Variants in KRTAP5-2 observed in about 807,000 individuals in gnomAD.
The protein encoded by KRTAP5-2 is keratin associated protein 5-2.
For missense variants in KRTAP5-2, 188 were observed against 212.8 expected, an observed-to-expected ratio of 0.88 and a Z score of 0.73; for synonymous variants, 79 against 82.7, an observed-to-expected ratio of 0.96 and a Z score of 0.24.
rs777059919 is a variant in KRTAP5-2 at position 1,598,281 on chromosome 11, G to C, written c.-31C>G. The C allele has an allele frequency of 1.2e-5, 20 of 1,613,860 alleles. No homozygotes were observed. The African/African-American group carries it at 1.7e-4, about 14-fold the overall frequency. Reference sequence around the variant, plus strand: ...TGGTGGATTGAGGGTGGAGCAGGTAGAGGAGCAGGTGAGAGGGAGGTGCAG... The same window carrying C: ...TGGTGGATTGAGGGTGGAGCAGGTACAGGAGCAGGTGAGAGGGAGGTGCAG... On this transcript the variant is annotated 5_prime_UTR_variant, in exon 1 of 1. Transcript: ENST00000412090.
In KRTAP5-2 at chr11:1,598,204, C is replaced by T. The variant is rs752808306; in HGVS notation, c.47G>A (p.Gly16Asp). Residue 16 changes from glycine to aspartate, a missense_variant, in exon 1 of 1, where the codon GGC becomes GAC. Physicochemically the swap from Gly to Asp is moderately conservative, Grantham distance 94. Coordinates refer to ENST00000412090, the MANE Select transcript of KRTAP5-2 (RefSeq NM_001004325.2). Reference protein sequence around the residue: ...CSRGCGSGCGGCGSSCGGCGS... With the variant: ...CSRGCGSGCGDCGSSCGGCGS... ...ACAACCCCCACAGCTGGAGCCACAGCCCCCACAGCCGGAGCCACAGCCTCT... is the reference window on the plus strand; with the variant it reads ...ACAACCCCCACAGCTGGAGCCACAGTCCCCACAGCCGGAGCCACAGCCTCT... 7.5e-6 allele frequency: 12 copies of T among 1,610,284 alleles called. No homozygotes were observed. The highest frequency in any genetic ancestry group is 1.0e-5 in the Non-Finnish European group (12 of 1,178,364).
In KRTAP5-2 at chr11:1,598,125, A is replaced by G. The variant is rs780065623; in HGVS notation, c.126T>C (p.Cys42=). 9 of 1,494,432 alleles carry G rather than the reference A, an allele frequency of 6.0e-6. No individual in the cohort carries two copies. Among genetic ancestry groups the G allele is most frequent in the Admixed American group, 1.9e-5 (1 of 51,624 alleles). The allele number at this position is 1,494,432 out of a possible 1,614,324, so 92.6% of individuals were successfully genotyped here. A position where few individuals can be genotyped will look rare whatever the true frequency, so the allele number is the denominator to read the frequency against. ...CCCCACAGCTGGAGCTGCAGCCCCC[A>G]CAGCCAGAGCCACAGCCCCCACGGC... The part of the protein sequence containing the change: ...GSGRGGCGSG[C]GGCSSSCGGC... Residue 42 remains cysteine (C), a synonymous_variant, in exon 1 of 1, where the codon TGT becomes TGC. Coordinates refer to ENST00000412090, the MANE Select transcript of KRTAP5-2 (RefSeq NM_001004325.2).
In KRTAP5-2 at chr11:1,597,620, G is replaced by A; in HGVS notation, c.*97C>T. ...TGGATGGTGAGCTAGAGCAGGTGCA[G>A]GTGCCTCAGGGAGGATGTGTGGGAC... is the stretch of plus-strand genomic sequence containing the variant. On this transcript the variant is annotated 3_prime_UTR_variant, in exon 1 of 1. Transcript: ENST00000412090. 1 of 1,566,484 alleles carries A rather than the reference G, an allele frequency of 6.4e-7. No individual in the cohort carries two copies. Among genetic ancestry groups the A allele is most frequent in the Non-Finnish European group, 8.7e-7 (1 of 1,149,368 alleles).
Position 1,597,673 on chromosome 11 carries a change from G to A in KRTAP5-2, c.*44C>T, listed in dbSNP as rs565622148. 9.3e-6 allele frequency: 15 copies of A among 1,611,444 alleles called. No homozygotes were observed. The highest frequency in any genetic ancestry group is 8.0e-5 in the African/African-American group (6 of 74,984). Reference sequence around the variant, plus strand: ...ACTGACTCAGGGAACCATAAGAAATGCTTTCACCAAACAGGAGAAACCTGA... The same window carrying A: ...ACTGACTCAGGGAACCATAAGAAATACTTTCACCAAACAGGAGAAACCTGA... On this transcript the variant is annotated 3_prime_UTR_variant, in exon 1 of 1. Coordinates refer to ENST00000412090, the MANE Select transcript of KRTAP5-2 (RefSeq NM_001004325.2).
chr11:1,597,559 C>A lies in KRTAP5-2; in HGVS notation c.*158G>T. On this transcript the variant is annotated 3_prime_UTR_variant, in exon 1 of 1. Transcript: ENST00000412090. ...GAGTGAGGAGGCTGAAGGCAGGGCC[C>A]AGAGGAGAGCTGAGCCATGGAAGGA... 8.2e-7 allele frequency: 1 copy of A among 1,223,072 alleles called. No individual in the cohort carries two copies. Among genetic ancestry groups the A allele is most frequent in the Non-Finnish European group, 1.2e-6 (1 of 865,454 alleles). 75.8% of individuals were successfully genotyped at this position (1,223,072 alleles called of 1,614,324 possible).
Position 1,598,163 on chromosome 11 carries a change from C to T in KRTAP5-2, c.88G>A (p.Gly30Ser), listed in dbSNP as rs1849319437. 1 of 1,582,202 alleles carries T rather than the reference C, an allele frequency of 6.3e-7. No individual in the cohort carries two copies. The highest frequency in any genetic ancestry group is 8.6e-7 in the Non-Finnish European group (1 of 1,156,738). ...SCGGCGSGCGGCGSGRGGCGS... is the reference protein window; with the variant it reads ...SCGGCGSGCGSCGSGRGGCGS... ...CAGCCCCCACGGCCGGAGCCACAGC[C>T]CCCACAGCCAGAGCCACAACCCCCA... Residue 30 changes from glycine (G) to serine (S), a missense_variant, in exon 1 of 1, where the codon GGC becomes AGC. Physicochemically the swap from Gly to Ser is moderately conservative, Grantham distance 56. Transcript: ENST00000412090.
Position 1,598,145 on chromosome 11 carries a change from C to T in KRTAP5-2, c.106G>A (p.Gly36Arg). ...SGCGGCGSGR[G>R]GCGSGCGGCS... ...CCCCCACAGCCAGAGCCACAGCCCC[C>T]ACGGCCGGAGCCACAGCCCCCACAG... is the stretch of plus-strand genomic sequence containing the variant. The change falls in exon 1 of 1, where the codon GGG becomes AGG. Residue 36 changes from glycine (G) to arginine (R), a missense_variant. By Grantham distance (125) the Gly-to-Arg change is moderately radical. Transcript: ENST00000412090. 6.3e-7 allele frequency: 1 copy of T among 1,585,672 alleles called. No homozygotes were observed. The highest frequency in any genetic ancestry group is 8.6e-7 in the Non-Finnish European group (1 of 1,160,606).
Position 1,598,267 on chromosome 11 carries a change from G to A in KRTAP5-2, c.-17C>T, listed in dbSNP as rs1435036700. ...GCAGCCCATGGTTCTGGTGGATTGA[G>A]GGTGGAGCAGGTAGAGGAGCAGGTG... On this transcript the variant is annotated 5_prime_UTR_variant, in exon 1 of 1. Coordinates refer to ENST00000412090, the MANE Select transcript of KRTAP5-2 (RefSeq NM_001004325.2). 2.5e-6 allele frequency: 4 copies of A among 1,613,844 alleles called. No individual in the cohort carries two copies. Among genetic ancestry groups the A allele is most frequent in the Non-Finnish European group, 3.4e-6 (4 of 1,179,982 alleles).
rs1463441857 is a variant in KRTAP5-2, at chr11:1,597,638, T to C, written c.*79A>G. 1 of 1,592,472 alleles carries C rather than the reference T, an allele frequency of 6.3e-7. No homozygotes were observed. Among genetic ancestry groups the C allele is most frequent in the Non-Finnish European group, 8.6e-7 (1 of 1,167,364 alleles). On this transcript the variant is annotated 3_prime_UTR_variant, in exon 1 of 1. Transcript: ENST00000412090. ...AGGTGCAGGTGCCTCAGGGAGGATG[T>C]GTGGGACGAACTGACTCAGGGAACC... is the stretch of plus-strand genomic sequence containing the variant.
Position 1,597,468 on chromosome 11 carries a change from G to A in KRTAP5-2, c.*249C>T, listed in dbSNP as rs1849300765. On this transcript the variant is annotated 3_prime_UTR_variant, in exon 1 of 1. Coordinates refer to ENST00000412090, the MANE Select transcript of KRTAP5-2 (RefSeq NM_001004325.2). ...CACACCCAAGTGCAGGGAACATCGT[G>A]GCAGTCGGCTGGGTGCCTGCGTCCA... 3 of 624,514 alleles carry A rather than the reference G, an allele frequency of 4.8e-6. No homozygotes were observed. Among genetic ancestry groups the A allele is most frequent in the Non-Finnish European group, 8.5e-6 (3 of 353,518 alleles). The allele number at this position is 624,514 out of a possible 1,614,324, so 38.7% of individuals were successfully genotyped here. A position where few individuals can be genotyped will look rare whatever the true frequency, so the allele number is the denominator to read the frequency against.
In KRTAP5-2 at chr11:1,597,592, G is replaced by T; in HGVS notation, c.*125C>A. ...AGCTGAGCCATGGAAGGAGGTGTGT[G>T]CATGGATGGTGAGCTAGAGCAGGTG... On this transcript the variant is annotated 3_prime_UTR_variant, in exon 1 of 1. Coordinates refer to ENST00000412090, the MANE Select transcript of KRTAP5-2 (RefSeq NM_001004325.2). The T allele has an allele frequency of 6.9e-7, 1 of 1,442,464 alleles. No homozygotes were observed. Among genetic ancestry groups the T allele is most frequent in the Non-Finnish European group, 9.6e-7 (1 of 1,043,448 alleles). 89.4% of individuals were successfully genotyped at this position (1,442,464 alleles called of 1,614,324 possible).
rs1468362913 is a variant in KRTAP5-2 at position 1,597,880 on chromosome 11, C to A, written c.371G>T (p.Cys124Phe). 1 of 1,613,864 alleles carries A rather than the reference C, an allele frequency of 6.2e-7. No individual in the cohort carries two copies. Among genetic ancestry groups the A allele is most frequent in the African/African-American group, 1.3e-5 (1 of 74,822 alleles). Reference sequence around the variant, plus strand: ...GCAGGATGATCCACAGCCTGAGGAGCAGCAACAGGGCTTACAACAGCTGGA... The same window carrying A: ...GCAGGATGATCCACAGCCTGAGGAGAAGCAACAGGGCTTACAACAGCTGGA... ...SQSSCCKPCC[C>F]SSGCGSSCCQ... is the part of the protein sequence containing the mutation. Residue 124 changes from cysteine to phenylalanine, a missense_variant, in exon 1 of 1, where the codon TGC becomes TTC. Physicochemically the swap from Cys to Phe is radical, Grantham distance 205. Coordinates refer to ENST00000412090, the MANE Select transcript of KRTAP5-2 (RefSeq NM_001004325.2).
Position 1,597,809 on chromosome 11 carries a change from A to G in KRTAP5-2, c.442T>C (p.Cys148Arg), listed in dbSNP as rs1364406123. Residue 148 changes from cysteine to arginine, a missense_variant, in exon 1 of 1, where the codon TGT becomes CGT. By Grantham distance (180) the Cys-to-Arg change is radical. Coordinates refer to ENST00000412090, the MANE Select transcript of KRTAP5-2 (RefSeq NM_001004325.2). Reference protein sequence around the residue: ...CKPCCCQSSCCVPVCCQSSCC... With the variant: ...CKPCCCQSSCRVPVCCQSSCC... ...CTGGACTGGCAGCACACGGGGACACAGCAGCTGGACTGGCAGCAGCAGGGC... is the reference window on the plus strand; with the variant it reads ...CTGGACTGGCAGCACACGGGGACACGGCAGCTGGACTGGCAGCAGCAGGGC... 8 of 1,613,616 alleles carry G rather than the reference A, an allele frequency of 5.0e-6. No individual in the cohort carries two copies. Among genetic ancestry groups the G allele is most frequent in the Non-Finnish European group, 6.8e-6 (8 of 1,179,896 alleles).
chr11:1,597,412 C>T lies in KRTAP5-2; in HGVS notation c.*305G>A. 1 of 464,996 alleles carries T rather than the reference C, an allele frequency of 2.2e-6. No individual in the cohort carries two copies. Among genetic ancestry groups the T allele is most frequent in the Non-Finnish European group, 4.0e-6 (1 of 247,320 alleles). 28.8% of individuals were successfully genotyped at this position (464,996 alleles called of 1,614,324 possible). A position where few individuals can be genotyped will look rare whatever the true frequency, so the allele number is the denominator to read the frequency against. On this transcript the variant is annotated 3_prime_UTR_variant, in exon 1 of 1. Transcript: ENST00000412090. ...CCTTGTGGGGTCAGACCTTGCATCT[C>T]AGTCAGCCCAGGGAGAAGAAGAAGA...
Position 1,598,029 on chromosome 11 carries a change from G to A in KRTAP5-2, c.222C>T (p.Ser74=), listed in dbSNP as rs1849314755. The A allele has an allele frequency of 6.3e-7, 1 of 1,595,778 alleles. No individual in the cohort carries two copies. The highest frequency in any genetic ancestry group is 8.5e-7 in the Non-Finnish European group (1 of 1,172,048). ...CCCCACAGGAGCCACAGCTGGTGCA[G>A]GAACAGGCTGGCACCCAGGAGCACA... The part of the protein sequence containing the change: ...KPVCSWVPAC[S]CTSCGSCGGS... Residue 74 remains serine, a synonymous_variant, in exon 1 of 1, where the codon TCC becomes TCT. Transcript: ENST00000412090.
In KRTAP5-2 at chr11:1,598,214, C is replaced by G. The variant is rs777393796; in HGVS notation, c.37G>C (p.Gly13Arg). The G allele has an allele frequency of 6.2e-7, 1 of 1,611,426 alleles. No homozygotes were observed. Among genetic ancestry groups the G allele is most frequent in the African/African-American group, 1.3e-5 (1 of 74,376 alleles). Residue 13 changes from glycine (G) to arginine (R), a missense_variant, in exon 1 of 1, where the codon GGC becomes CGC. By Grantham distance (125) the Gly-to-Arg change is moderately radical (BLOSUM62 -2). Transcript: ENST00000412090. ...CAGCTGGAGCCACAGCCCCCACAGC[C>G]GGAGCCACAGCCTCTGGAGCAGCCA... Reference protein sequence around the residue: ...CCGCSRGCGSGCGGCGSSCGG... With the variant: ...CCGCSRGCGSRCGGCGSSCGG...
In KRTAP5-2 at chr11:1,598,202, A is replaced by G. The variant is rs201922537; in HGVS notation, c.49T>C (p.Cys17Arg). ...SRGCGSGCGG[C>R]GSSCGGCGSG... The stretch of plus-strand genomic sequence containing the variant: ...CCACAACCCCCACAGCTGGAGCCAC[A>G]GCCCCCACAGCCGGAGCCACAGCCT... The change falls in exon 1 of 1, where the codon TGT (cysteine) becomes CGT (arginine). Residue 17 changes from cysteine (C) to arginine (R), a missense_variant. Physicochemically the swap from Cys to Arg is radical, Grantham distance 180 (BLOSUM62 -3). Coordinates refer to ENST00000412090, the MANE Select transcript of KRTAP5-2 (RefSeq NM_001004325.2). 182 of 1,593,848 alleles carry G rather than the reference A, an allele frequency of 1.1e-4. 2 individuals are homozygous for G. The South Asian group carries it at 1.8e-3, about 16-fold the overall frequency.
chr11:1,597,730 T>A lies in KRTAP5-2; in HGVS notation c.521A>T (p.Gln174Leu). Residue 174 changes from glutamine (Q) to leucine (L), a missense_variant, in exon 1 of 1, where the codon CAG becomes CTG. By Grantham distance (113) the Gln-to-Leu change is moderately radical. Transcript: ENST00000412090. ...QSNCCVPVCCQCKI is the reference protein window; with the variant it reads ...QSNCCVPVCCLCKI ...GGGTCCAGAGCCTCAGATCTTACAC[T>A]GGCAGCACACAGGGACACAACAGTT... 1 of 1,614,114 alleles carries A rather than the reference T, an allele frequency of 6.2e-7. No individual in the cohort carries two copies. The highest frequency in any genetic ancestry group is 8.5e-7 in the Non-Finnish European group (1 of 1,180,016).
chr11:1,598,164 C>A lies in KRTAP5-2; in HGVS notation c.87G>T (p.Gly29=). Residue 29 remains glycine, a synonymous_variant, in exon 1 of 1, where the codon GGG becomes GGT. Coordinates refer to ENST00000412090, the MANE Select transcript of KRTAP5-2 (RefSeq NM_001004325.2). Reference sequence around the variant, plus strand: ...AGCCCCCACGGCCGGAGCCACAGCCCCCACAGCCAGAGCCACAACCCCCAC... The same window carrying A: ...AGCCCCCACGGCCGGAGCCACAGCCACCACAGCCAGAGCCACAACCCCCAC... The part of the protein sequence containing the change: ...SSCGGCGSGC[G]GCGSGRGGCG... 1 of 1,581,170 alleles carries A rather than the reference C, an allele frequency of 6.3e-7. No homozygotes were observed. Among genetic ancestry groups the A allele is most frequent in the Non-Finnish European group, 8.6e-7 (1 of 1,156,364 alleles).
Sources: gnomAD v4.1 joint callset for allele counts on GRCh38, gnomAD v4.1.1 for gene constraint, MANE v1.5 for transcripts, NCBI Gene and HGNC (gene_info 2026-07-23, HGNC 2026-07-21) for gene names.